The following WIPI2 variants were observed in gnomAD, a reference collection of about 807,000 sequenced individuals.
The protein encoded by WIPI2 is WD repeat domain phosphoinositide-interacting protein 2.
A neutral mutation model predicts 52.3 loss-of-function variants in WIPI2; 28 were observed. The observed-to-expected ratio is 0.54, with a 90% CI of 0.40 to 0.73. The LOEUF is 0.73. Among genes scored for constraint, WIPI2 ranks in the 30% least tolerant of loss-of-function variants. The pLI is 0.00. For missense variants in WIPI2, 506 were observed against 602.9 expected (o/e 0.84, Z 1.68); for synonymous variants, 268 against 245.0 (o/e 1.09, Z -0.88).
At chr7:5,211,850 A>G (rs1782577066) in intron 3 of WIPI2, among the ~76,000 whole-genome samples, 1 of 152,028 alleles carries the variant, frequency 6.6e-6, no homozygotes, top group Non-Finnish European at 1.5e-5. Context: ...TGATTGTTAA[A>G]CTCGCCTTCC....
At chr7:5,215,906 C>G (rs1217085132) in intron 4 of WIPI2, among the ~76,000 whole-genome samples, 1 of 152,144 alleles carries the variant, frequency 6.6e-6, no homozygotes, top group Non-Finnish European at 1.5e-5. Flanking sequence ...AATGTTAGAC[C>G]TTTTAAAACC....
At chr7:5,201,302 G>A (rs1375657430) in intron 3 of WIPI2, among the ~76,000 whole-genome samples, 2 of 152,260 alleles carry the variant, frequency 1.3e-5, no homozygotes, top group Non-Finnish European at 2.9e-5. Flanking sequence ...TTTTTCCCTT[G>A]CTGGGGGCCA....
intron 2 of WIPI2, 96 bp from the exon 3 acceptor site, chr7:5,199,480 A>C (rs564742887): frequency 9.9e-7 from 1 of 1,008,054 alleles, no homozygotes; most frequent in African/African-American, 1.6e-5. Context: ...CACGCGGGGA[A>C]CTTGCTGGGA....
At chr7:5,229,979 A>G (rs1315639723) in intron 12 of WIPI2, among the ~76,000 whole-genome samples, 2 of 146,014 alleles carry the variant, frequency 1.4e-5, no homozygotes, top group African/African-American at 2.6e-5. Context: ...TATGTTGCCC[A>G]GGGTGGTCTC....
intron 3 of WIPI2, 28 bp from the exon 4 acceptor site, chr7:5,214,507 A>T: frequency 1.2e-6 from 2 of 1,614,146 alleles, no homozygotes; most frequent in Non-Finnish European, 1.7e-6. Context: ...GGAGATGTTC[A>T]CGCATGTACT....
At position 5,221,514 on chromosome 7, in the gene WIPI2, C is replaced by G. The variant is rs542484618; in HGVS notation, c.670-1088C>G. ...TTTTAAGGCCTTTCTTTCCATCAGT[C>G]TATTTCTTTTTGTGCTAATTTAATA... On this transcript the variant is annotated intron_variant, in intron 7 of 12. Coordinates refer to ENST00000288828, the MANE Select transcript of WIPI2 (RefSeq NM_015610.4). Among the ~76,000 whole-genome samples the G allele has an allele frequency of 4.2e-4, 64 of 152,274 alleles. 1 individual carries two copies. The highest frequency in any genetic ancestry group is 1.5e-3 in the African/African-American group (62 of 41,554).
In WIPI2 at chr7:5,228,152, G is replaced by C. The variant is rs148438455; in HGVS notation, c.1062G>C (p.Leu354=). 6.2e-7 allele frequency: 1 copy of C among 1,613,978 alleles called. No homozygotes were observed. Among genetic ancestry groups the C allele is most frequent in the Non-Finnish European group, 8.5e-7 (1 of 1,180,020 alleles). The change falls in exon 11 of 13, where the codon CTG becomes CTC. Residue 354 remains leucine, a synonymous_variant. Coordinates refer to ENST00000288828, the MANE Select transcript of WIPI2 (RefSeq NM_015610.4). The part of the protein sequence containing the change: ...RLLVGAADGY[L]YMYNLDPQEG... ...TGGTGGGTGCCGCCGACGGGTACCT[G>C]TACATGTACAACCTGGACCCCCAGG...
At chr7:5,220,189 A>G (rs1335050365) in intron 7 of WIPI2, among the ~76,000 whole-genome samples, 2 of 150,488 alleles carry the variant, frequency 1.3e-5, no homozygotes, top group East Asian at 3.9e-4. Flanking sequence ...GTTTACCATA[A>G]TTTATGTAAA....
At chr7:5,226,742 T>C (rs1721070464) in intron 9 of WIPI2, 1 of 154,670 alleles carries the variant, frequency 6.5e-6, no homozygotes, top group South Asian at 2.0e-4. Flanking sequence ...AAAAGACAAA[T>C]GGAGCATGCC....
intron 3 of WIPI2, among the ~76,000 whole-genome samples, chr7:5,202,363 G>A (rs1782068011): frequency 6.6e-6 from 1 of 152,124 alleles, no homozygotes; most frequent in African/African-American, 2.4e-5. Flanking sequence ...GATAGGCTTT[G>A]CACATTGTTT....
At chr7:5,197,136 A>AAC (rs1781792244) in intron 2 of WIPI2, among the ~76,000 whole-genome samples, 1 of 150,662 alleles carries the variant, frequency 6.6e-6, no homozygotes, top group African/African-American at 2.4e-5. Context: ...AAAAAAAAAA[A>AAC]AAAAAAAAAA....
chr7:5,197,113 A>G (rs1344008216), intron 2 of WIPI2, among the ~76,000 whole-genome samples: 5 of 24,498 alleles, frequency 2.0e-4, no homozygotes, highest in African/African-American at 8.2e-4. Flanking sequence ...CTCCGTCTCA[A>G]AAAACAAAAA....
At chr7:5,207,236 G>A (rs892855918) in intron 3 of WIPI2, among the ~76,000 whole-genome samples, 2 of 152,154 alleles carry the variant, frequency 1.3e-5, no homozygotes, top group Non-Finnish European at 2.9e-5. Context: ...TTTAACAAAT[G>A]CCTGCATCTC....
chr7:5,229,709 C>T lies in WIPI2; in HGVS notation c.1223C>T (p.Thr408Ile). 1.1e-5 allele frequency: 17 copies of T among 1,614,044 alleles called. No individual in the cohort carries two copies. Among genetic ancestry groups the T allele is most frequent in the Non-Finnish European group, 1.4e-5 (17 of 1,179,954 alleles). The change falls in exon 12 of 13, where the codon ACT (threonine) becomes ATT (isoleucine). Residue 408 changes from threonine (T) to isoleucine (I), a missense_variant. Physicochemically the swap from Thr to Ile is moderately conservative, Grantham distance 89. Transcript: ENST00000288828. ...QTYGAAAGKG[T>I]YVPSSPTRLA... ...TACGGCGCAGCTGCAGGAAAAGGTA[C>T]TTACGTGCCTTCATCCCCAACGAGA... is the stretch of plus-strand genomic sequence containing the variant.
intron 2 of WIPI2, among the ~76,000 whole-genome samples, chr7:5,196,709 C>A (rs935751198): frequency 2.5e-4 from 38 of 152,054 alleles, no homozygotes; most frequent in African/African-American, 8.9e-4. Context: ...GATTTGGTTT[C>A]CAAGTCACCA....
At chr7:5,193,678 C>T (rs1222262040) in intron 2 of WIPI2, among the ~76,000 whole-genome samples, 4 of 152,184 alleles carry the variant, frequency 2.6e-5, no homozygotes, top group Non-Finnish European at 5.9e-5. Flanking sequence ...TGGGCTCAAG[C>T]GGTCCTCCTG....
rs1188511452 is a variant in WIPI2 at position 5,233,421 on chromosome 7, A to C, written c.*2474A>C. On this transcript the variant is annotated 3_prime_UTR_variant, in exon 13 of 13. Transcript: ENST00000288828. ...CCTGAACCAAACAGAACGTGTGCTAATTTTCCGAACTCCAAACTGTACACT... is the reference window on the plus strand; with the variant it reads ...CCTGAACCAAACAGAACGTGTGCTACTTTTCCGAACTCCAAACTGTACACT... The C allele has an allele frequency of 6.6e-6, 1 of 152,244 alleles. No individual in the cohort carries two copies. Among genetic ancestry groups the C allele is most frequent in the Admixed American group, 6.5e-5 (1 of 15,274 alleles). 9.4% of individuals were successfully genotyped at this position (152,244 alleles called of 1,614,324 possible).
chr7:5,199,502 A>C, intron 2 of WIPI2, 74 bp from the exon 3 acceptor site: 1 of 1,320,736 alleles, frequency 7.6e-7, no homozygotes, highest in Non-Finnish European at 1.1e-6. Flanking sequence ...CTCGCTGGGA[A>C]CGTGGGAGCT....
chr7:5,224,624 T>A (rs772201219), intron 8 of WIPI2, among the ~76,000 whole-genome samples: 1 of 152,112 alleles, frequency 6.6e-6, no homozygotes, highest in African/African-American at 2.4e-5. Context: ...TGGTCAGAGA[T>A]GAAATGTTAG....
Sources: gnomAD v4.1 joint callset for allele counts (sites outside exome capture counted in the v4.1 genomes callset) on GRCh38, gnomAD v4.1.1 for gene constraint, MANE v1.5 for transcripts, NCBI Gene and HGNC (gene_info 2026-07-23, HGNC 2026-07-21) for gene names.